Variants in ARHGEF3 observed in about 807,000 individuals in gnomAD.
ARHGEF3 encodes 59.8 kDA protein.
Under a neutral mutation model 63.2 loss-of-function variants are expected in ARHGEF3, and 28 were observed. The ratio of observed to expected loss-of-function variants is 0.44; its 90% confidence interval spans 0.33 to 0.61. The LOEUF (loss-of-function observed/expected upper bound fraction) is 0.61, where lower values mean the gene tolerates loss of function less well. ARHGEF3 is among the 20% of genes least tolerant of loss of function. The pLI, the probability that ARHGEF3 is intolerant of heterozygous loss-of-function variation, is 0.03. For missense variants in ARHGEF3, 533 were observed against 659.3 expected, an observed-to-expected ratio of 0.81 and a Z score of 2.10; for synonymous variants, 266 against 254.2, an observed-to-expected ratio of 1.05 and a Z score of -0.44.
chr3:56,969,578 C>T (rs530667805), intron 2 of ARHGEF3, among the ~76,000 whole-genome samples: 1 of 151,992 alleles, frequency 6.6e-6, no homozygotes, highest in Admixed American at 6.5e-5. Flanking sequence ...CAAGACCATC[C>T]TGGCCAACAT....
At chr3:56,821,209 T>C (rs2038480368) in intron 4 of ARHGEF3, among the ~76,000 whole-genome samples, 1 of 151,874 alleles carries the variant, frequency 6.6e-6, no homozygotes, top group African/African-American at 2.4e-5. Flanking sequence ...GGTAGAGAGG[T>C]ATAGCAGAGT....
intron 2 of ARHGEF3, among the ~76,000 whole-genome samples, chr3:56,967,448 ATT>A (rs1210098674): frequency 1.1e-4 from 8 of 70,722 alleles, no homozygotes; most frequent in Admixed American, 5.7e-4. Flanking sequence ...TATATTATAT[ATT>A]ATACATATTA....
intron 7 of ARHGEF3, among the ~76,000 whole-genome samples, chr3:56,743,419 G>C (rs1382991365): frequency 6.6e-6 from 1 of 151,886 alleles, no homozygotes; most frequent in East Asian, 1.9e-4. Context: ...AAGGGCACAG[G>C]ATTTGGAGTC....
intron 3 of ARHGEF3, among the ~76,000 whole-genome samples, chr3:56,753,887 G>T (rs1319442034): frequency 6.6e-6 from 1 of 152,188 alleles, no homozygotes; most frequent in Non-Finnish European, 1.5e-5. Context: ...GTGAGCCATG[G>T]ATTTGGTACC....
At chr3:57,073,860 G>C (rs760435606) in intron 1 of ARHGEF3, 28 of 1,614,078 alleles carry the variant, frequency 1.7e-5, no homozygotes, top group South Asian at 7.7e-5. Flanking sequence ...ATCATGCCAG[G>C]GTCCAGGTGT....
In ARHGEF3 at chr3:57,031,334, C is replaced by G. The variant is rs574080721; in HGVS notation, c.62+3754G>C. On this transcript the variant is annotated intron_variant, in intron 2 of 12. Transcript: ENST00000338458. ...AAACATAAGTCTATCATTCTCCTGA[C>G]AGAAAAGTCTTTCTAGGTTCTTCAC... Among the ~76,000 whole-genome samples the G allele has an allele frequency of 7.9e-5, 12 of 152,296 alleles. No homozygotes were observed. In the Middle Eastern group the frequency reaches 0.014, roughly 173 times the overall value.
intron 4 of ARHGEF3, among the ~76,000 whole-genome samples, chr3:56,856,204 G>A (rs529637036): frequency 1.3e-5 from 2 of 152,238 alleles, no homozygotes; most frequent in South Asian, 2.1e-4. Flanking sequence ...TAAAATACAC[G>A]TAACTCGGGG....
chr3:56,986,179 A>C (rs1457175210), intron 2 of ARHGEF3, among the ~76,000 whole-genome samples: 1 of 152,224 alleles, frequency 6.6e-6, no homozygotes, highest in Admixed American at 6.5e-5. Context: ...CCAGCAACCT[A>C]AAGAGCCCAA....
chr3:56,859,934 G>A (rs2040013362), intron 4 of ARHGEF3, among the ~76,000 whole-genome samples: 1 of 151,868 alleles, frequency 6.6e-6, no homozygotes, highest in African/African-American at 2.4e-5. Flanking sequence ...GCTGAGGTGG[G>A]TGGATTGCCT....
intron 1 of ARHGEF3, chr3:57,035,219 C>G: frequency 8.7e-7 from 1 of 1,146,712 alleles, no homozygotes; most frequent in Non-Finnish European, 1.2e-6. Context: ...CATCTAGGTA[C>G]ATTTATGTTA....
chr3:56,863,194 G>A (rs1429608034), intron 4 of ARHGEF3, among the ~76,000 whole-genome samples: 1 of 151,820 alleles, frequency 6.6e-6, no homozygotes, highest in Admixed American at 6.6e-5. Context: ...CTGGAGTGCA[G>A]TGGCGCGATC....
chr3:57,042,698 A>ATTTTT (rs1235160376), intron 1 of ARHGEF3, among the ~76,000 whole-genome samples: 3 of 41,408 alleles, frequency 7.2e-5, no homozygotes, highest in African/African-American at 1.8e-4. Context: ...ATATATATAT[A>ATTTTT]TATTTTTTTT....
intron 8 of ARHGEF3, among the ~76,000 whole-genome samples, chr3:56,734,934 C>T (rs768618397): frequency 6.6e-5 from 10 of 152,128 alleles, no homozygotes; most frequent in Non-Finnish European, 1.2e-4. Context: ...TACACTGTTT[C>T]TACTTCAATC....
intron 2 of ARHGEF3, among the ~76,000 whole-genome samples, chr3:56,994,078 A>AAAAAAAAAAAAAAAAAAAAAAAAAAAAC (rs1701879809): frequency 1.5e-5 from 2 of 137,822 alleles, no homozygotes; most frequent in Non-Finnish European, 3.2e-5. Flanking sequence ...AAAAAAAAAA[A>AAAAAAAAAAAAAAAAAAAAAAAAAAAAC]AAAAAAAGCA....
chr3:56,967,317 AT>A (rs1182381554), intron 2 of ARHGEF3, among the ~76,000 whole-genome samples: 1 of 56,162 alleles, frequency 1.8e-5, no homozygotes, highest in Non-Finnish European at 5.0e-5. Flanking sequence ...TATATATTAT[AT>A]ATTATATATT....
chr3:56,875,073 T>A (rs917784151), intron 4 of ARHGEF3, among the ~76,000 whole-genome samples: 1 of 152,188 alleles, frequency 6.6e-6, no homozygotes, highest in Non-Finnish European at 1.5e-5. Flanking sequence ...ATCCAAAAGC[T>A]ATGGTATTTG....
chr3:56,760,601 C>A (rs1385828894), intron 2 of ARHGEF3, among the ~76,000 whole-genome samples: 2 of 152,178 alleles, frequency 1.3e-5, no homozygotes, highest in Non-Finnish European at 2.9e-5. Flanking sequence ...AACCACCCTG[C>A]AAGTTGGGGG....
chr3:56,996,886 TATTA>T (rs1702011710), intron 2 of ARHGEF3, among the ~76,000 whole-genome samples: 2 of 107,186 alleles, frequency 1.9e-5, no homozygotes, highest in African/African-American at 6.1e-5. Flanking sequence ...TTATTATTAT[TATTA>T]TTTTTTTTTT....
At chr3:56,742,990 G>C (rs1017610033) in intron 7 of ARHGEF3, among the ~76,000 whole-genome samples, 2 of 152,092 alleles carry the variant, frequency 1.3e-5, no homozygotes, top group Non-Finnish European at 1.5e-5. Flanking sequence ...CTCAGAACAG[G>C]CTCCCATGCT....
Sources: gnomAD v4.1 joint callset for allele counts (sites outside exome capture counted in the v4.1 genomes callset) on GRCh38, gnomAD v4.1.1 for gene constraint, MANE v1.5 for transcripts, NCBI Gene and HGNC (gene_info 2026-07-23, HGNC 2026-07-21) for gene names.